Variants in PIK3C2G observed in about 807,000 individuals in gnomAD.
The protein encoded by PIK3C2G is phosphatidylinositol-4-phosphate 3-kinase catalytic subunit type 2 gamma, also known as phosphatidylinositol 3-kinase C2 domain-containing subunit gamma.
PIK3C2G carries 168 observed loss-of-function variants against 181.1 expected under a neutral mutation model. That is an observed-to-expected ratio of 0.93 (90% confidence interval 0.82 to 1.05). The LOEUF is 1.05. Ranked by LOEUF, PIK3C2G falls within the 50% of genes least tolerant of loss-of-function variation. PIK3C2G has a pLI of 0.00. For missense variants in PIK3C2G, 1,869 were observed against 1,732.8 expected (o/e 1.08, Z -1.40); for synonymous variants, 573 against 592.2 (o/e 0.97, Z 0.47).
intron 5 of PIK3C2G, among the ~76,000 whole-genome samples, chr12:18,301,762 T>A (rs1281309912): frequency 6.6e-6 from 1 of 152,198 alleles, no homozygotes; most frequent in Non-Finnish European, 1.5e-5. Context: ...TCTTGAAGAT[T>A]CATATTTCTT....
intron 18 of PIK3C2G, among the ~76,000 whole-genome samples, chr12:18,439,080 T>C (rs1263905544): frequency 1.3e-5 from 2 of 151,968 alleles, no homozygotes; most frequent in African/African-American, 2.4e-5. Flanking sequence ...TTGCTCTTCT[T>C]GTCTTATCCT....
upstream of PIK3C2G, among the ~76,000 whole-genome samples, chr12:18,261,126 C>G (rs1233133438): frequency 6.6e-6 from 1 of 152,046 alleles, no homozygotes; most frequent in African/African-American, 2.4e-5. Flanking sequence ...TTTTCAAGGG[C>G]TCACCTCTGC....
intron 24 of PIK3C2G, among the ~76,000 whole-genome samples, chr12:18,516,536 G>T (rs7136151): frequency 6.6e-6 from 1 of 152,002 alleles, no homozygotes; most frequent in East Asian, 1.9e-4. Context: ...AAAATTTTCA[G>T]ACATTATATC....
intron 24 of PIK3C2G, among the ~76,000 whole-genome samples, chr12:18,536,383 C>T (rs894534106): frequency 6.6e-6 from 1 of 152,070 alleles, no homozygotes; most frequent in Non-Finnish European, 1.5e-5. Flanking sequence ...ATTCTCTCAA[C>T]CATACCAAGA....
Position 18,417,760 on chromosome 12 carries a change from A to C in PIK3C2G, c.2316-3181A>C, listed in dbSNP as rs541277943. 7.6e-3 allele frequency among the ~76,000 whole-genome samples: 1,157 copies of C among 151,692 alleles called. 15 individuals carry two copies. The highest frequency in any genetic ancestry group is 0.027 in the African/African-American group (1,102 of 41,130). ...TTTTACATACATTAAAAAAAACAAA[A>C]AAAAAATGTGCGACTGGCTTTATTG... is the stretch of plus-strand genomic sequence containing the variant. On this transcript the variant is annotated intron_variant, in intron 16 of 32. Transcript: ENST00000538779.
intron 18 of PIK3C2G, among the ~76,000 whole-genome samples, chr12:18,435,785 C>T (rs1161524290): frequency 6.6e-6 from 1 of 151,986 alleles, no homozygotes; most frequent in South Asian, 2.1e-4. Flanking sequence ...CCTTGTCTGT[C>T]TATATAGAAT....
intron 5 of PIK3C2G, among the ~76,000 whole-genome samples, chr12:18,312,009 T>C (rs1241174856): frequency 1.3e-5 from 2 of 152,198 alleles, no homozygotes; most frequent in African/African-American, 2.4e-5. Flanking sequence ...AGATGTAGGC[T>C]GCGAGGCTAA....
chr12:18,478,707 G>A (rs1330499278), intron 18 of PIK3C2G, among the ~76,000 whole-genome samples: 1 of 152,146 alleles, frequency 6.6e-6, no homozygotes, highest in South Asian at 2.1e-4. Context: ...GCTGGGCATG[G>A]TGGCTCATGC....
At chr12:18,481,788 T>C (rs1327852197) in intron 18 of PIK3C2G, among the ~76,000 whole-genome samples, 1 of 151,040 alleles carries the variant, frequency 6.6e-6, no homozygotes, top group Non-Finnish European at 1.5e-5. Flanking sequence ...CTCTCAAGAG[T>C]TTTGGGTCAA....
At chr12:18,305,646 T>C (rs1950387993) in intron 5 of PIK3C2G, among the ~76,000 whole-genome samples, 1 of 152,098 alleles carries the variant, frequency 6.6e-6, no homozygotes, top group South Asian at 2.1e-4. Context: ...AATTTTTGAA[T>C]TACATATTTC....
At chr12:18,271,860 A>G (rs1442841266) in intron 1 of PIK3C2G, among the ~76,000 whole-genome samples, 1 of 152,192 alleles carries the variant, frequency 6.6e-6, no homozygotes, top group East Asian at 1.9e-4. Context: ...TCATACATCC[A>G]ATGAATCATG....
chr12:18,341,901 T>G (rs1046847938), intron 9 of PIK3C2G, among the ~76,000 whole-genome samples: 5 of 152,180 alleles, frequency 3.3e-5, no homozygotes, highest in African/African-American at 7.2e-5. Context: ...CCTTAGGTGT[T>G]TATTAAATGT....
chr12:18,462,726 C>T (rs1245603398), intron 18 of PIK3C2G, among the ~76,000 whole-genome samples: 1 of 152,014 alleles, frequency 6.6e-6, no homozygotes, highest in Non-Finnish European at 1.5e-5. Flanking sequence ...GGTTTTATTC[C>T]AAGTAATGTC....
At chr12:18,328,230 C>T (rs1951433312) in intron 8 of PIK3C2G, among the ~76,000 whole-genome samples, 1 of 151,898 alleles carries the variant, frequency 6.6e-6, no homozygotes, top group Admixed American at 6.6e-5. Context: ...AGTCCTTCTA[C>T]CATCTAGCCC....
intron 11 of PIK3C2G, among the ~76,000 whole-genome samples, chr12:18,349,308 AAC>A (rs1158782528): frequency 6.6e-6 from 1 of 152,122 alleles, no homozygotes; most frequent in Non-Finnish European, 1.5e-5. Flanking sequence ...GGTACTGACA[AAC>A]TGAGGGGGTA....
intron 18 of PIK3C2G, among the ~76,000 whole-genome samples, chr12:18,428,541 C>T (rs1030518926): frequency 2.6e-5 from 4 of 152,096 alleles, no homozygotes; most frequent in Non-Finnish European, 4.4e-5. Flanking sequence ...TCCTCAACAG[C>T]GCTCCCTGCT....
At chr12:18,701,487 A>G in the PIK3C2G span, 1 of 1,613,968 alleles carries the variant, frequency 6.2e-7, no homozygotes, top group South Asian at 1.1e-5. Context: ...GATTTTCACA[A>G]AACACCACCT....
chr12:18,358,474 G>A, intron 11 of PIK3C2G: 1 of 246,832 alleles, frequency 4.1e-6, no homozygotes, highest in Non-Finnish European at 8.2e-6. Flanking sequence ...AGGAAAACAG[G>A]TTAGAAATTT....
intron 21 of PIK3C2G, among the ~76,000 whole-genome samples, 170 bp from the exon 22 acceptor site, chr12:18,497,449 T>A (rs531972710): frequency 1.3e-4 from 20 of 151,432 alleles, no homozygotes; most frequent in East Asian, 1.2e-3. Context: ...CATTTAAAAA[T>A]TTTTTTTATC....
Sources: gnomAD v4.1 joint callset for allele counts (sites outside exome capture counted in the v4.1 genomes callset) on GRCh38, gnomAD v4.1.1 for gene constraint, MANE v1.5 for transcripts, NCBI Gene and HGNC (gene_info 2026-07-23, HGNC 2026-07-21) for gene names.